The following EFCAB5 variants were observed in gnomAD, a reference collection of about 807,000 sequenced individuals.
The protein encoded by EFCAB5 is EF-hand calcium-binding domain-containing protein 5.
EFCAB5 carries 131 observed loss-of-function variants against 167.9 expected under a neutral mutation model. The ratio of observed to expected loss-of-function variants is 0.78; its 90% CI spans 0.68 to 0.90. The LOEUF (loss-of-function observed/expected upper bound fraction) is 0.90, where lower values mean the gene tolerates loss of function less well. Ranked by LOEUF, EFCAB5 falls within the 40% of genes least tolerant of loss-of-function variation. The pLI is 0.00. For synonymous variants in EFCAB5, 574 were observed against 602.8 expected, an observed-to-expected ratio of 0.95 and a Z score of 0.70; for missense variants, 1,663 against 1,745.2, an observed-to-expected ratio of 0.95 and a Z score of 0.84.
chr17:30,093,208 A>G (rs1486251878), intron 22 of EFCAB5, among the ~76,000 whole-genome samples: 1 of 152,228 alleles, frequency 6.6e-6, no homozygotes, highest in Non-Finnish European at 1.5e-5. Flanking sequence ...TGGGGCTGCA[A>G]TGAGAATGGA....
At chr17:29,995,868 T>C (rs977429121) in intron 5 of EFCAB5, among the ~76,000 whole-genome samples, 2 of 152,216 alleles carry the variant, frequency 1.3e-5, no homozygotes, top group Admixed American at 6.5e-5. Flanking sequence ...CTTTGGAGCA[T>C]TGTCCCCATA....
At chr17:29,937,272 C>T (rs1361890120), upstream of EFCAB5, among the ~76,000 whole-genome samples, 2 of 152,020 alleles carry the variant, frequency 1.3e-5, no homozygotes, top group Non-Finnish European at 2.9e-5. Context: ...CTGCAACCTC[C>T]GCCTCCCAGG....
intron 7 of EFCAB5, among the ~76,000 whole-genome samples, chr17:30,029,453 T>C (rs2069419777): frequency 1.3e-5 from 2 of 152,140 alleles, no homozygotes; most frequent in African/African-American, 4.8e-5. Flanking sequence ...GTTGTATAGG[T>C]ACTTCAAAGT....
chr17:30,046,106 C>G (rs937056724), intron 8 of EFCAB5, among the ~76,000 whole-genome samples: 2 of 152,162 alleles, frequency 1.3e-5, no homozygotes, highest in South Asian at 2.1e-4. Flanking sequence ...TAATCACCAC[C>G]TTTGGAGGAA....
At chr17:29,977,991 T>C (rs979707081) in intron 4 of EFCAB5, among the ~76,000 whole-genome samples, 2 of 152,136 alleles carry the variant, frequency 1.3e-5, no homozygotes, top group Non-Finnish European at 2.9e-5. Flanking sequence ...TAAAAAAAGC[T>C]TCAAAATATC....
intron 3 of EFCAB5, among the ~76,000 whole-genome samples, chr17:29,957,211 A>T (rs529535574): frequency 6.6e-6 from 1 of 152,136 alleles, no homozygotes; most frequent in East Asian, 1.9e-4. Context: ...AAATGATCAT[A>T]TGGTTTTTGT....
chr17:29,933,583 A>T (rs186138980), intron 1 of EFCAB5, among the ~76,000 whole-genome samples: 13 of 152,258 alleles, frequency 8.5e-5, no homozygotes, highest in Admixed American at 6.5e-5. Context: ...TCCTAGTTCT[A>T]CTTAGAGCAC....
intron 1 of EFCAB5, chr17:29,930,053 G>C: frequency 1.3e-6 from 2 of 1,490,644 alleles, no homozygotes; most frequent in Non-Finnish European, 1.8e-6. Context: ...GAGTGTGGGG[G>C]ACGGGAGGGT....
At chr17:30,056,691 A>G (rs4436830) in intron 12 of EFCAB5, among the ~76,000 whole-genome samples, 25,489 of 152,212 alleles carry the variant, frequency 0.17, 2,827 homozygotes, top group Non-Finnish European at 0.24. Flanking sequence ...AAATGCTACT[A>G]TATTGTTTTG....
rs969708593 is a variant in EFCAB5 at position 30,069,041 on chromosome 17, T to C, written c.2738-9174T>C. 39 of 1,402,786 alleles carry C rather than the reference T, an allele frequency of 2.8e-5. 1 individual carries two copies. In the African/African-American group the frequency reaches 4.8e-4, roughly 17 times the overall value. 86.9% of individuals were successfully genotyped at this position (1,402,786 alleles called of 1,614,324 possible). ...CACAGGACTGCTGTTCTGGATTTCA[T>C]TGAAGATTACTTAAAAAAAGTGTGT... On this transcript the variant is annotated intron_variant, in intron 14 of 22. Coordinates refer to ENST00000394835, the MANE Select transcript of EFCAB5 (RefSeq NM_198529.4).
At chr17:30,015,844 C>T (rs2069027124) in intron 7 of EFCAB5, among the ~76,000 whole-genome samples, 1 of 150,818 alleles carries the variant, frequency 6.6e-6, no homozygotes, top group Non-Finnish European at 1.5e-5. Context: ...TCACTGCAAC[C>T]TCTGCCTCAC....
chr17:29,934,401 A>G (rs1477923626), intron 1 of EFCAB5, among the ~76,000 whole-genome samples: 1 of 152,210 alleles, frequency 6.6e-6, no homozygotes, highest in Non-Finnish European at 1.5e-5. Context: ...ATCTATTGCA[A>G]AATATTGATA....
Position 29,965,754 on chromosome 17 carries a change from A to G in EFCAB5, c.191-3037A>G, listed in dbSNP as rs191975050. Among the ~76,000 whole-genome samples, 326 of 152,274 alleles carry G rather than the reference A, an allele frequency of 2.1e-3. 2 individuals are homozygous for G. Among genetic ancestry groups the G allele is most frequent in the African/African-American group, 7.7e-3 (321 of 41,554 alleles). On this transcript the variant is annotated intron_variant, in intron 3 of 22. Coordinates refer to ENST00000394835, the MANE Select transcript of EFCAB5 (RefSeq NM_198529.4). ...CAATTGGTCATAGATGTATGGGTTT[A>G]TTTCTGGACTCTCAATTTTATTCCA...
rs142178237 is a variant in EFCAB5 at position 30,080,913 on chromosome 17, G to T, written c.3358G>T (p.Ala1120Ser). ...DAYMRIFGVL[A>S]VDTLRDPHEI... Reference sequence around the variant, plus strand: ...ATATATGAGGATCTTTGGGGTCTTGGCTGTTGATACCCTTAGAGATCCCCA... The same window carrying T: ...ATATATGAGGATCTTTGGGGTCTTGTCTGTTGATACCCTTAGAGATCCCCA... Residue 1120 changes from alanine (A) to serine (S), a missense_variant, in exon 17 of 23, where the codon GCT becomes TCT. Ala to Ser is a moderately conservative substitution (Grantham distance 99). Coordinates refer to ENST00000394835, the MANE Select transcript of EFCAB5 (RefSeq NM_198529.4). 3,348 of 1,613,662 alleles carry T rather than the reference G, an allele frequency of 2.1e-3. 15 individuals carry two copies. The highest frequency in any genetic ancestry group is 1.7e-3 in the Non-Finnish European group (2,035 of 1,179,846).
chr17:30,031,812 AG>A (rs1459753211), intron 7 of EFCAB5: 1 of 152,206 alleles, frequency 6.6e-6, no homozygotes, highest in African/African-American at 2.4e-5. Flanking sequence ...ACCTGAGCCC[AG>A]GAGTTTGAGA....
chr17:30,084,135 C>T (rs550569561), intron 18 of EFCAB5, among the ~76,000 whole-genome samples: 3 of 152,300 alleles, frequency 2.0e-5, no homozygotes, highest in Admixed American at 2.0e-4. Context: ...CTCCGGGCTG[C>T]TTCTTTCCTT....
intron 20 of EFCAB5, among the ~76,000 whole-genome samples, chr17:30,091,594 G>T (rs1352307010): frequency 6.6e-6 from 1 of 152,090 alleles, no homozygotes; most frequent in Non-Finnish European, 1.5e-5. Context: ...AGACTAATAA[G>T]GGTGACAGCG....
chr17:30,085,039 A>T (rs1306376470), intron 18 of EFCAB5, among the ~76,000 whole-genome samples: 5 of 151,432 alleles, frequency 3.3e-5, no homozygotes, highest in African/African-American at 1.2e-4. Flanking sequence ...GCTCTTCCTT[A>T]TTACCAGGTT....
intron 3 of EFCAB5, among the ~76,000 whole-genome samples, chr17:29,944,517 T>C (rs1375643592): frequency 4.6e-5 from 7 of 152,142 alleles, no homozygotes; most frequent in African/African-American, 1.4e-4. Flanking sequence ...AACCCACTAA[T>C]ACAATAATAA....
Sources: allele counts gnomAD v4.1 joint callset (sites outside exome capture counted in the v4.1 genomes callset), GRCh38; gene constraint gnomAD v4.1.1; transcripts MANE v1.5; gene names NCBI Gene and HGNC (gene_info 2026-07-23, HGNC 2026-07-21).